Variants in KCNG3 observed in about 807,000 individuals in gnomAD.
The protein encoded by KCNG3 is potassium voltage-gated channel modifier subfamily G member 3, also known as voltage-gated potassium channel regulatory subunit KCNG3.
A neutral mutation model predicts 29.0 loss-of-function variants in KCNG3; 15 were observed. That is an observed-to-expected ratio of 0.52 (90% CI 0.35 to 0.80). KCNG3 has a LOEUF of 0.80. Among genes scored for constraint, KCNG3 ranks in the 30% least tolerant of loss-of-function variants. The pLI is 0.01. For synonymous variants in KCNG3, 322 were observed against 248.9 expected, an observed-to-expected ratio of 1.29 and a Z score of -2.76; for missense variants, 512 against 605.7, an observed-to-expected ratio of 0.85 and a Z score of 1.62.
intron 1 of KCNG3, among the ~76,000 whole-genome samples, chr2:42,472,220 C>A (rs1350521107): frequency 6.6e-6 from 1 of 152,138 alleles, no homozygotes; most frequent in African/African-American, 2.4e-5. Flanking sequence ...AACAAAAGAA[C>A]AAATAAATCA....
the KCNG3 span, among the ~76,000 whole-genome samples, chr2:42,412,779 T>C: frequency 6.6e-6 from 1 of 152,174 alleles, no homozygotes; most frequent in African/African-American, 2.4e-5. Context: ...TACATTCACA[T>C]GGTTCAAAAT....
At chr2:42,402,204 C>T in the KCNG3 span, among the ~76,000 whole-genome samples, 1 of 152,222 alleles carries the variant, frequency 6.6e-6, no homozygotes, top group Non-Finnish European at 1.5e-5. Flanking sequence ...AGAACCCCTG[C>T]TTCTCAGACC....
the KCNG3 span, among the ~76,000 whole-genome samples, chr2:42,401,629 T>A: frequency 6.6e-5 from 10 of 152,088 alleles, no homozygotes; most frequent in Non-Finnish European, 1.2e-4. Context: ...TTTTTTGTAG[T>A]GACAGGGTCT....
chr2:42,482,875 C>T (rs1166788067), intron 1 of KCNG3, among the ~76,000 whole-genome samples: 1 of 152,134 alleles, frequency 6.6e-6, no homozygotes, highest in Non-Finnish European at 1.5e-5. Flanking sequence ...AATCCCAACA[C>T]TTTGGGAGAC....
chr2:42,465,609 G>A (rs540163461), intron 1 of KCNG3, among the ~76,000 whole-genome samples: 1 of 152,256 alleles, frequency 6.6e-6, no homozygotes, highest in East Asian at 1.9e-4. Context: ...TAGTAATCAT[G>A]AAAGAAAATA....
At chr2:42,403,663 C>T in the KCNG3 span, among the ~76,000 whole-genome samples, 3 of 149,756 alleles carry the variant, frequency 2.0e-5, no homozygotes, top group East Asian at 3.9e-4. Context: ...CGGGGTTTCA[C>T]CACGTTGGCC....
intron 1 of KCNG3, among the ~76,000 whole-genome samples, chr2:42,452,963 G>A (rs1316166054): frequency 6.6e-6 from 1 of 152,186 alleles, no homozygotes; most frequent in Non-Finnish European, 1.5e-5. Flanking sequence ...TGTATTTTTA[G>A]TAGAGATGGG....
the KCNG3 span, among the ~76,000 whole-genome samples, chr2:42,420,732 G>A: frequency 6.6e-6 from 1 of 152,146 alleles, no homozygotes; most frequent in Non-Finnish European, 1.5e-5. Context: ...GGAGGTTGCA[G>A]TGAGCCGAGA....
At chr2:42,440,914 GAT>G (rs770986249), downstream of KCNG3, among the ~76,000 whole-genome samples, 835 of 152,282 alleles carry the variant, frequency 5.5e-3, 18 homozygotes, top group East Asian at 0.037. Context: ...TCAGATTAAA[GAT>G]TAGGAGATTA....
chr2:42,389,220 T>C, the KCNG3 span, among the ~76,000 whole-genome samples: 1 of 152,202 alleles, frequency 6.6e-6, no homozygotes, highest in Admixed American at 6.5e-5. Flanking sequence ...GCCGGCCCCA[T>C]GTAGATTACT....
the KCNG3 span, among the ~76,000 whole-genome samples, chr2:42,407,034 C>A: frequency 6.6e-6 from 1 of 151,742 alleles, no homozygotes; most frequent in Non-Finnish European, 1.5e-5. Context: ...TAAAAAAAAA[C>A]AAAACACAAA....
the KCNG3 span, among the ~76,000 whole-genome samples, chr2:42,389,099 G>C: frequency 2.6e-5 from 4 of 152,006 alleles, no homozygotes; most frequent in Admixed American, 2.0e-4. Context: ...TGTATTTTTA[G>C]TAGAGACAAG....
the KCNG3 span, among the ~76,000 whole-genome samples, chr2:42,391,930 G>T: frequency 6.6e-6 from 1 of 152,086 alleles, no homozygotes; most frequent in Non-Finnish European, 1.5e-5. Flanking sequence ...TGTCTTTGAT[G>T]AATTCCATCA....
chr2:42,397,463 T>C, the KCNG3 span, among the ~76,000 whole-genome samples: 272 of 152,246 alleles, frequency 1.8e-3, 2 homozygotes, highest in African/African-American at 6.3e-3. Context: ...AGGAAAGAGA[T>C]TGAAGCTTAC....
intron 1 of KCNG3, among the ~76,000 whole-genome samples, chr2:42,489,222 C>G (rs1572868820): frequency 6.6e-6 from 1 of 152,020 alleles, no homozygotes; most frequent in South Asian, 2.1e-4. Context: ...GACCCCATGT[C>G]TACAAAAAAT....
At chr2:42,420,696 G>A in the KCNG3 span, among the ~76,000 whole-genome samples, 2 of 152,016 alleles carry the variant, frequency 1.3e-5, no homozygotes, top group Non-Finnish European at 2.9e-5. Flanking sequence ...GGCTGAGGCA[G>A]GGAGAATCAC....
chr2:42,453,217 AC>A (rs1672805791), intron 1 of KCNG3, among the ~76,000 whole-genome samples: 1 of 152,214 alleles, frequency 6.6e-6, no homozygotes, highest in Non-Finnish European at 1.5e-5. Flanking sequence ...CACCCACTCA[AC>A]AGTGGGATTG....
At chr2:42,468,846 T>C (rs1449140824) in intron 1 of KCNG3, among the ~76,000 whole-genome samples, 1 of 148,076 alleles carries the variant, frequency 6.8e-6, no homozygotes, top group East Asian at 2.0e-4. Context: ...TCTCAACTAC[T>C]CCAGAGGCTG....
chr2:42,462,038 G>A (rs1249782322), intron 1 of KCNG3, among the ~76,000 whole-genome samples: 1 of 152,160 alleles, frequency 6.6e-6, no homozygotes, highest in Non-Finnish European at 1.5e-5. Flanking sequence ...ACTTGAAGGG[G>A]AGGATCTAAT....
Sources: gnomAD v4.1 joint callset for allele counts (sites outside exome capture counted in the v4.1 genomes callset) on GRCh38, gnomAD v4.1.1 for gene constraint, MANE v1.5 for transcripts, NCBI Gene and HGNC (gene_info 2026-07-23, HGNC 2026-07-21) for gene names.